The following TAFA1 variants were observed in gnomAD, a reference collection of about 807,000 sequenced individuals.
TAFA1 encodes the protein TAFA chemokine like family member 1.
TAFA1 carries 4 observed loss-of-function variants against 18.5 expected under a neutral mutation model. The observed-to-expected ratio is 0.22, with a 90% CI of 0.11 to 0.49. TAFA1 has a LOEUF of 0.49. TAFA1 is among the 20% of genes least tolerant of loss of function. The probability of loss-of-function intolerance (pLI) is 0.98; values close to 1 mark genes in which losing one functional copy is unlikely to be tolerated. For synonymous variants in TAFA1, 56 were observed against 55.2 expected (o/e 1.01, Z -0.06); for missense variants, 147 against 169.0 (o/e 0.87, Z 0.72).
Position 68,094,654 on chromosome 3 carries a change from G to A in TAFA1, c.118+87910G>A, listed in dbSNP as rs77607455. 2.7e-3 allele frequency among the ~76,000 whole-genome samples: 414 copies of A among 152,256 alleles called. 3 individuals are homozygous for A. Among genetic ancestry groups the A allele is most frequent in the African/African-American group, 9.6e-3 (398 of 41,564 alleles). ...GTTCTCATGGAAGGATAGAAGGAGA[G>A]AGATCAATTTTTCTAATCCTAGCTC... On this transcript the variant is annotated intron_variant, in intron 2 of 4. Transcript: ENST00000478136.
intron 2 of TAFA1, among the ~76,000 whole-genome samples, chr3:68,211,008 AC>A (rs2066590316): frequency 6.6e-6 from 1 of 151,928 alleles, no homozygotes. Context: ...TTGAAAGGAG[AC>A]CTTTGTCCCT....
At chr3:68,222,204 A>G (rs2066739930) in intron 2 of TAFA1, among the ~76,000 whole-genome samples, 1 of 152,088 alleles carries the variant, frequency 6.6e-6, no homozygotes, top group African/African-American at 2.4e-5. Flanking sequence ...AAAACAGTTG[A>G]TGTAGTTTGT....
At chr3:68,013,782 T>C (rs1041995481) in intron 2 of TAFA1, among the ~76,000 whole-genome samples, 2 of 152,306 alleles carry the variant, frequency 1.3e-5, no homozygotes, top group Admixed American at 6.5e-5. Context: ...GGCCCATTAT[T>C]TCTTTCTCTT....
intron 3 of TAFA1, among the ~76,000 whole-genome samples, chr3:68,534,229 G>A (rs1461221238): frequency 6.6e-6 from 1 of 152,116 alleles, no homozygotes; most frequent in East Asian, 1.9e-4. Flanking sequence ...ACACCTGGCT[G>A]TTCTCTCTGA....
chr3:68,383,762 C>T (rs2070031440), intron 2 of TAFA1, among the ~76,000 whole-genome samples: 1 of 152,002 alleles, frequency 6.6e-6, no homozygotes, highest in Non-Finnish European at 1.5e-5. Context: ...GGTATCAGCT[C>T]TTCTTTTTAT....
chr3:68,353,120 A>G (rs1236847209), intron 2 of TAFA1, among the ~76,000 whole-genome samples: 7 of 152,034 alleles, frequency 4.6e-5, no homozygotes, highest in Non-Finnish European at 2.9e-5. Context: ...CACACTTCAC[A>G]GATTTGTTGC....
At chr3:68,485,750 C>T (rs1429619627) in intron 3 of TAFA1, among the ~76,000 whole-genome samples, 1 of 152,208 alleles carries the variant, frequency 6.6e-6, no homozygotes, top group Non-Finnish European at 1.5e-5. Context: ...CACTGATTTG[C>T]ACCTTGAACT....
chr3:68,507,491 A>G (rs1419085454), intron 3 of TAFA1, among the ~76,000 whole-genome samples: 2 of 152,092 alleles, frequency 1.3e-5, no homozygotes, highest in Non-Finnish European at 2.9e-5. Context: ...AGCGTCTAGA[A>G]TTCTTCACCC....
chr3:68,155,893 T>C (rs2065861660), intron 2 of TAFA1, among the ~76,000 whole-genome samples: 4 of 152,130 alleles, frequency 2.6e-5, no homozygotes, highest in Admixed American at 2.6e-4. Flanking sequence ...CAGCTTCAGT[T>C]ACAATTACTA....
chr3:68,256,648 T>C (rs2067304674), intron 2 of TAFA1, among the ~76,000 whole-genome samples: 1 of 152,158 alleles, frequency 6.6e-6, no homozygotes, highest in African/African-American at 2.4e-5. Context: ...GGCCTTGGCA[T>C]TGTGTAAAAT....
intron 2 of TAFA1, among the ~76,000 whole-genome samples, chr3:68,346,753 T>G (rs2069171073): frequency 6.6e-6 from 1 of 152,172 alleles, no homozygotes; most frequent in African/African-American, 2.4e-5. Flanking sequence ...AAGTTTAAAT[T>G]TTCTGTCTAG....
intron 2 of TAFA1, among the ~76,000 whole-genome samples, chr3:68,395,627 T>TA (rs1264638916): frequency 6.6e-6 from 1 of 152,044 alleles, no homozygotes; most frequent in Non-Finnish European, 1.5e-5. Context: ...TATGCAGCCA[T>TA]AAAAAAGAAT....
chr3:68,183,076 A>T (rs553279696), intron 2 of TAFA1, among the ~76,000 whole-genome samples: 2 of 152,262 alleles, frequency 1.3e-5, no homozygotes, highest in South Asian at 4.1e-4. Flanking sequence ...CCTGAGCAGT[A>T]TGTGTGTAGT....
At chr3:68,067,172 C>T (rs1173501520) in intron 2 of TAFA1, among the ~76,000 whole-genome samples, 2 of 152,176 alleles carry the variant, frequency 1.3e-5, no homozygotes, top group African/African-American at 4.8e-5. Flanking sequence ...CCCAAATCTA[C>T]TTCCTTGTGA....
intron 2 of TAFA1, among the ~76,000 whole-genome samples, chr3:68,314,593 G>A (rs1004409700): frequency 2.6e-5 from 4 of 152,116 alleles, no homozygotes; most frequent in African/African-American, 9.7e-5. Flanking sequence ...CTACACATAC[G>A]CAATATCATG....
chr3:68,079,351 C>T (rs1377741320), intron 2 of TAFA1, among the ~76,000 whole-genome samples: 1 of 152,148 alleles, frequency 6.6e-6, no homozygotes, highest in Non-Finnish European at 1.5e-5. Flanking sequence ...TTGCCTTCTG[C>T]TAGCTTTTGA....
chr3:68,436,459 T>G (rs904378208), intron 3 of TAFA1, among the ~76,000 whole-genome samples: 2 of 152,122 alleles, frequency 1.3e-5, no homozygotes, highest in Non-Finnish European at 2.9e-5. Flanking sequence ...TCACAAAGCA[T>G]GTTTCAAAGA....
intron 2 of TAFA1, among the ~76,000 whole-genome samples, chr3:68,035,197 G>A (rs1705020316): frequency 1.3e-5 from 2 of 152,064 alleles, no homozygotes. Context: ...TTTATTTCCA[G>A]AGATCTGTGG....
chr3:68,145,082 GC>G, intron 2 of TAFA1: 2 of 1,493,720 alleles, frequency 1.3e-6, no homozygotes, highest in African/African-American at 1.4e-5. Flanking sequence ...GGAGCTCGAG[GC>G]CCCTGGAGGA....
Sources: gnomAD v4.1 joint callset for allele counts (sites outside exome capture counted in the v4.1 genomes callset) on GRCh38, gnomAD v4.1.1 for gene constraint, MANE v1.5 for transcripts, NCBI Gene and HGNC (gene_info 2026-07-23, HGNC 2026-07-21) for gene names.